Variants in NCAM1 observed in about 807,000 individuals in gnomAD.
The protein encoded by NCAM1 is antigen recognized by monoclonal antibody 5.1H11.
In NCAM1, 14 loss-of-function variants were observed where a neutral mutation model predicts 109.8. The observed-to-expected ratio is 0.13, with a 90% CI of 0.08 to 0.20. The LOEUF is 0.20. NCAM1 is among the 10% of genes least tolerant of loss of function. NCAM1 has a pLI of 1.00. For synonymous variants in NCAM1, 418 were observed against 442.9 expected (o/e 0.94, Z 0.70); for missense variants, 774 against 1,109.9 (o/e 0.70, Z 4.30).
chr11:113,193,284 A>G (rs782269148), intron 1 of NCAM1, among the ~76,000 whole-genome samples: 14 of 152,140 alleles, frequency 9.2e-5, no homozygotes, highest in Non-Finnish European at 2.1e-4. Flanking sequence ...GGTCTAGGAC[A>G]TGTCTGTCTC....
chr11:113,217,548 G>A (rs538003666), intron 8 of NCAM1, among the ~76,000 whole-genome samples: 7 of 151,710 alleles, frequency 4.6e-5, no homozygotes, highest in Admixed American at 3.3e-4. Context: ...ACTTCAGGAG[G>A]GCTACTGCCT....
At chr11:113,105,568 A>ATATCAT (rs1555092371) in intron 1 of NCAM1, among the ~76,000 whole-genome samples, 1 of 152,246 alleles carries the variant, frequency 6.6e-6, no homozygotes, top group African/African-American at 2.4e-5. Context: ...CGTACATTGA[A>ATATCAT]TATCATTATT....
At chr11:113,194,256 T>C (rs1359779302) in intron 1 of NCAM1, among the ~76,000 whole-genome samples, 1 of 152,234 alleles carries the variant, frequency 6.6e-6, no homozygotes, top group Non-Finnish European at 1.5e-5. Flanking sequence ...ATATTCAATA[T>C]CTTTTCTTCC....
intron 1 of NCAM1, among the ~76,000 whole-genome samples, chr11:113,187,363 AG>A (rs1943538921): frequency 6.6e-6 from 1 of 152,154 alleles, no homozygotes; most frequent in African/African-American, 2.4e-5. Flanking sequence ...CAGGACACAG[AG>A]GGTAAGCAGT....
chr11:113,178,909 G>T (rs1304302610), intron 1 of NCAM1, among the ~76,000 whole-genome samples: 4 of 152,200 alleles, frequency 2.6e-5, no homozygotes, highest in Non-Finnish European at 5.9e-5. Context: ...CAGGCTGGAA[G>T]AAGCAGGCTC....
intron 1 of NCAM1, among the ~76,000 whole-genome samples, chr11:113,168,225 A>G (rs1238936636): frequency 6.6e-6 from 1 of 152,150 alleles, no homozygotes; most frequent in Non-Finnish European, 1.5e-5. Flanking sequence ...ATCTGTCTGT[A>G]TTCTGAGAAC....
chr11:113,271,948 C>T (rs1294184611), intron 19 of NCAM1, 72 bp downstream of exon 19: 8 of 1,172,228 alleles, frequency 6.8e-6, no homozygotes, highest in Non-Finnish European at 9.6e-6. Flanking sequence ...CCTACCCCCA[C>T]CTCCCGTGCC....
Position 113,192,114 on chromosome 11 carries a change from C to T in NCAM1, c.53-10265C>T, listed in dbSNP as rs1231374159. On this transcript the variant is annotated intron_variant, in intron 1 of 19. Coordinates refer to ENST00000316851, the MANE Select transcript of NCAM1 (RefSeq NM_181351.5). ...AGTTGAGAGAGAGGGAAATGCTTCG[C>T]CTTGTATCAGTACCTTTTTATAGCT... Among the ~76,000 whole-genome samples, 4 of 152,220 alleles carry T rather than the reference C, an allele frequency of 2.6e-5. No individual in the cohort carries two copies. The East Asian group carries it at 7.7e-4, about 29-fold the overall frequency.
chr11:113,212,891 T>C (rs1395022222), intron 7 of NCAM1, among the ~76,000 whole-genome samples: 1 of 152,208 alleles, frequency 6.6e-6, no homozygotes, highest in Non-Finnish European at 1.5e-5. Context: ...ACCTCATTCA[T>C]GTGGACTCCA....
chr11:113,144,910 G>A (rs1199941208), intron 1 of NCAM1, among the ~76,000 whole-genome samples: 1 of 152,114 alleles, frequency 6.6e-6, no homozygotes, highest in African/African-American at 2.4e-5. Flanking sequence ...TTTCATTCAG[G>A]GTGGAGAGTC....
chr11:113,256,019 C>T lies in NCAM1; in HGVS notation c.1953+18C>T. ...ACCGAGCGGTGAGTGGCCTCCTTCT[C>T]AGACTTCACCAGAACCCTGCAACCC... On this transcript the variant is annotated intron_variant, in intron 16 of 19. Coordinates refer to ENST00000316851, the MANE Select transcript of NCAM1 (RefSeq NM_181351.5). 2 of 1,586,996 alleles carry T rather than the reference C, an allele frequency of 1.3e-6. No homozygotes were observed. Among genetic ancestry groups the T allele is most frequent in the Admixed American group, 1.8e-5 (1 of 56,448 alleles).
chr11:113,090,021 C>T (rs1316817846), intron 1 of NCAM1, among the ~76,000 whole-genome samples: 1 of 152,160 alleles, frequency 6.6e-6, no homozygotes, highest in African/African-American at 2.4e-5. Flanking sequence ...AAAGAGTATC[C>T]TCAAAATTTG....
chr11:113,065,425 GA>G (rs1204144411), intron 1 of NCAM1, among the ~76,000 whole-genome samples: 1 of 152,058 alleles, frequency 6.6e-6, no homozygotes, highest in Non-Finnish European at 1.5e-5. Context: ...AGAAAGGGGA[GA>G]AAAAAGAGTA....
chr11:113,018,472 T>C (rs542407311), intron 1 of NCAM1, among the ~76,000 whole-genome samples: 62 of 152,304 alleles, frequency 4.1e-4, no homozygotes, highest in African/African-American at 1.4e-3. Flanking sequence ...ATATTGTTCA[T>C]GTGTGCGTTC....
chr11:112,962,739 C>T lies in NCAM1; in HGVS notation c.52+1075C>T, dbSNP rs1179201091. Among the ~76,000 whole-genome samples, 2 of 152,038 alleles carry T rather than the reference C, an allele frequency of 1.3e-5. No individual in the cohort carries two copies. Among genetic ancestry groups the T allele is most frequent in the Non-Finnish European group, 2.9e-5 (2 of 67,998 alleles). On this transcript the variant is annotated intron_variant, in intron 1 of 19. Transcript: ENST00000316851. This position sits in a 1 kb window ranked among gnomAD's most constrained non-coding sequence, Gnocchi z 5.6. ...CCCTGGAAAATTCTTCTGTGCGTGC[C>T]CACCCTCCCCTCCAGCTGTCATCCC...
intron 1 of NCAM1, among the ~76,000 whole-genome samples, chr11:113,011,512 G>A (rs994351930): frequency 7.2e-5 from 11 of 151,930 alleles, no homozygotes; most frequent in South Asian, 2.1e-4. Flanking sequence ...GGTATTTCTA[G>A]TTCTAGATCC....
At chr11:113,199,887 A>G (rs1298336775) in intron 1 of NCAM1, among the ~76,000 whole-genome samples, 3 of 149,450 alleles carry the variant, frequency 2.0e-5, no homozygotes, top group Non-Finnish European at 3.0e-5. Context: ...GATCCTGTTA[A>G]GCAGGGAATT....
intron 17 of NCAM1, chr11:113,269,956 CCT>C (rs1323383931): frequency 3.5e-6 from 2 of 576,810 alleles, no homozygotes; most frequent in South Asian, 2.0e-5. Flanking sequence ...CAGGCTCACC[CCT>C]GTTCCCCAAT....
intron 1 of NCAM1, among the ~76,000 whole-genome samples, chr11:112,976,341 TTTTA>T (rs1231706004): frequency 2.0e-5 from 3 of 152,080 alleles, no homozygotes; most frequent in Non-Finnish European, 4.4e-5. Flanking sequence ...ACTTTCATCT[TTTTA>T]TTTATTTATA....
Sources: gnomAD v4.1 joint callset for allele counts (sites outside exome capture counted in the v4.1 genomes callset) on GRCh38, gnomAD v4.1.1 for gene constraint, Gnocchi (gnomAD v3.1) non-coding constraint, MANE v1.5 for transcripts, NCBI Gene and HGNC (gene_info 2026-07-23, HGNC 2026-07-21) for gene names.